Variants in SPAG16 observed in about 807,000 individuals in gnomAD.
SPAG16 encodes the protein sperm-associated antigen 16 protein.
SPAG16 carries 86 observed loss-of-function variants against 80.4 expected under a neutral mutation model. The observed-to-expected ratio is 1.07, with a 90% CI of 0.90 to 1.28. The LOEUF is 1.28. Ranked by LOEUF, SPAG16 falls within the 50% of genes most tolerant of loss-of-function variation. The probability of loss-of-function intolerance (pLI) is 0.00; values close to 1 mark genes in which losing one functional copy is unlikely to be tolerated. For synonymous variants in SPAG16, 294 were observed against 265.9 expected (o/e 1.11, Z -1.03); for missense variants, 870 against 765.3 (o/e 1.14, Z -1.61).
At chr2:213,990,343 G>A (rs185176278) in intron 12 of SPAG16, among the ~76,000 whole-genome samples, 88 of 152,128 alleles carry the variant, frequency 5.8e-4, no homozygotes, top group South Asian at 1.9e-3. Context: ...TGCAATACAC[G>A]TGATTCTTAA....
chr2:213,495,461 T>G (rs73988520), intron 10 of SPAG16, among the ~76,000 whole-genome samples: 13,198 of 152,216 alleles, frequency 0.087, 1,434 homozygotes, highest in African/African-American at 0.25. Flanking sequence ...AAAATAAAAA[T>G]ATTGAAGAGA....
chr2:214,127,645 G>A (rs2054557491), intron 14 of SPAG16, among the ~76,000 whole-genome samples: 1 of 151,790 alleles, frequency 6.6e-6, no homozygotes, highest in African/African-American at 2.4e-5. Context: ...TTTTGTTTAG[G>A]AGGATTACAA....
intron 10 of SPAG16, among the ~76,000 whole-genome samples, chr2:213,720,210 T>C (rs2066451851): frequency 6.6e-6 from 1 of 151,678 alleles, no homozygotes; most frequent in Admixed American, 6.6e-5. Flanking sequence ...AGGGGAGCAA[T>C]AAGATTAGGA....
chr2:214,099,613 T>G (rs2052851696), intron 13 of SPAG16, among the ~76,000 whole-genome samples: 1 of 152,100 alleles, frequency 6.6e-6, no homozygotes, highest in Non-Finnish European at 1.5e-5. Flanking sequence ...GAAAGGGGAT[T>G]GTATATGTAT....
At chr2:213,841,386 T>G (rs149133580) in intron 10 of SPAG16, among the ~76,000 whole-genome samples, 1 of 152,324 alleles carries the variant, frequency 6.6e-6, no homozygotes, top group Non-Finnish European at 1.5e-5. Flanking sequence ...CTTGGTCTAC[T>G]TAATTGCTTT....
chr2:213,841,994 G>T (rs2074385522), intron 10 of SPAG16, among the ~76,000 whole-genome samples: 1 of 152,040 alleles, frequency 6.6e-6, no homozygotes, highest in South Asian at 2.1e-4. Context: ...TTTTAAATTT[G>T]TAACTAAGCA....
intron 9 of SPAG16, among the ~76,000 whole-genome samples, chr2:213,404,696 A>G (rs184442338): frequency 3.3e-5 from 5 of 152,378 alleles, no homozygotes; most frequent in African/African-American, 1.2e-4. Flanking sequence ...ACAAAAGCCA[A>G]AATTGACAAG....
chr2:214,184,897 T>A (rs1480527808), intron 15 of SPAG16, among the ~76,000 whole-genome samples: 1 of 152,128 alleles, frequency 6.6e-6, no homozygotes, highest in Non-Finnish European at 1.5e-5. Flanking sequence ...AAAATTTAAG[T>A]AGTTTAATGA....
chr2:214,029,101 A>G (rs2048280876), intron 13 of SPAG16, among the ~76,000 whole-genome samples: 1 of 152,044 alleles, frequency 6.6e-6, no homozygotes, highest in Non-Finnish European at 1.5e-5. Flanking sequence ...GTGGGGAAAA[A>G]TGATGTTGTG....
intron 10 of SPAG16, among the ~76,000 whole-genome samples, chr2:213,801,092 G>A (rs946481980): frequency 1.3e-5 from 2 of 152,078 alleles, no homozygotes; most frequent in Admixed American, 6.6e-5. Context: ...TAAAACAAAT[G>A]TGCAACATTT....
At chr2:214,099,888 G>A (rs910108105) in intron 13 of SPAG16, among the ~76,000 whole-genome samples, 1 of 152,052 alleles carries the variant, frequency 6.6e-6, no homozygotes, top group African/African-American at 2.4e-5. Context: ...TATATACACA[G>A]ATAAAAATGT....
At chr2:213,742,099 T>C (rs890798491) in intron 10 of SPAG16, among the ~76,000 whole-genome samples, 3 of 151,942 alleles carry the variant, frequency 2.0e-5, no homozygotes, top group African/African-American at 7.2e-5. Context: ...GGTTTAAATC[T>C]GCCATCTGGT....
At chr2:213,651,795 A>T (rs2063033480) in intron 10 of SPAG16, among the ~76,000 whole-genome samples, 1 of 152,200 alleles carries the variant, frequency 6.6e-6, no homozygotes, top group African/African-American at 2.4e-5. Flanking sequence ...TATTGTGTGT[A>T]TACAATTGAT....
chr2:213,932,147 C>CATATAT (rs61264162), intron 12 of SPAG16, among the ~76,000 whole-genome samples: 71 of 30,394 alleles, frequency 2.3e-3, no homozygotes, highest in South Asian at 4.0e-3. Context: ...CTTGATACTG[C>CATATAT]ATATATATAT....
At chr2:213,706,437 A>G (rs1212949557) in intron 10 of SPAG16, among the ~76,000 whole-genome samples, 1 of 152,160 alleles carries the variant, frequency 6.6e-6, no homozygotes, top group Non-Finnish European at 1.5e-5. Context: ...TTTTTTTTGG[A>G]AAGAATTTAT....
At chr2:214,132,842 T>C (rs1380561067) in intron 14 of SPAG16, among the ~76,000 whole-genome samples, 3 of 152,100 alleles carry the variant, frequency 2.0e-5, no homozygotes, top group African/African-American at 4.8e-5. Flanking sequence ...CTTGTAATCC[T>C]AGCACTTTGG....
intron 12 of SPAG16, among the ~76,000 whole-genome samples, chr2:213,932,183 TATATATATATATATA>T (rs2078786854): frequency 7.8e-5 from 2 of 25,622 alleles, no homozygotes; most frequent in African/African-American, 1.3e-4. Flanking sequence ...TATATATATA[TATATATATATATATA>T]TTTGTTGTTG....
intron 15 of SPAG16, among the ~76,000 whole-genome samples, chr2:214,384,159 C>A (rs1574468994): frequency 6.6e-6 from 1 of 152,314 alleles, no homozygotes; most frequent in East Asian, 1.9e-4. Flanking sequence ...ACATAAAGTA[C>A]ACTTCCCCTT....
chr2:214,170,222 A>G (rs11678853), intron 15 of SPAG16, among the ~76,000 whole-genome samples: 16 of 77,440 alleles, frequency 2.1e-4, no homozygotes, highest in Non-Finnish European at 5.2e-4. Context: ...TTAGGTGTGT[A>G]TACGTATACA....
Sources: gnomAD v4.1 joint callset for allele counts (sites outside exome capture counted in the v4.1 genomes callset) on GRCh38, gnomAD v4.1.1 for gene constraint, MANE v1.5 for transcripts, NCBI Gene and HGNC (gene_info 2026-07-23, HGNC 2026-07-21) for gene names.